Variants in LURAP1L observed in about 807,000 individuals in gnomAD.
LURAP1L encodes leucine rich adaptor protein 1 like, also known as leucine rich adaptor protein 1-like.
A neutral mutation model predicts 13.8 loss-of-function variants in LURAP1L; 12 were observed. The observed-to-expected ratio is 0.87, with a 90% CI of 0.56 to 1.41. The LOEUF is 1.41. LURAP1L is among the 40% of genes most tolerant of loss of function. The pLI, the probability that LURAP1L is intolerant of heterozygous loss-of-function variation, is 0.00. For missense variants in LURAP1L, 375 were observed against 292.9 expected (o/e 1.28, Z -2.04); for synonymous variants, 139 against 119.2 (o/e 1.17, Z -1.08).
In LURAP1L at chr9:12,802,571, G is replaced by A. The variant is rs573348795; in HGVS notation, c.313-18815G>A. 8.5e-5 allele frequency among the ~76,000 whole-genome samples: 13 copies of A among 152,208 alleles called. No individual in the cohort carries two copies. In the South Asian group the frequency reaches 1.7e-3, roughly 19 times the overall value. On this transcript the variant is annotated intron_variant, in intron 1 of 1. Transcript: ENST00000319264. Reference sequence around the variant, plus strand: ...AGCTTCAGCTTCCTGTGCAGCCTTCGGAACCATGATCCAATTAAACCACTT... The same window carrying A: ...AGCTTCAGCTTCCTGTGCAGCCTTCAGAACCATGATCCAATTAAACCACTT...
At chr9:12,798,546 G>A (rs80291649) in intron 1 of LURAP1L, among the ~76,000 whole-genome samples, 3 of 152,280 alleles carry the variant, frequency 2.0e-5, no homozygotes, top group African/African-American at 7.2e-5. Flanking sequence ...ATTCCCAGTA[G>A]CTTTCCTTAA....
intron 1 of LURAP1L, among the ~76,000 whole-genome samples, chr9:12,819,787 CACTAAAAAT>C (rs945548927): frequency 1.3e-5 from 2 of 151,790 alleles, no homozygotes; most frequent in African/African-American, 2.4e-5. Flanking sequence ...ACCCTGTCTC[CACTAAAAAT>C]ACTAAAAATT....
At chr9:12,788,183 GAAAGAAAGA>G (rs1045822681) in intron 1 of LURAP1L, among the ~76,000 whole-genome samples, 1 of 146,946 alleles carries the variant, frequency 6.8e-6, no homozygotes, top group Non-Finnish European at 1.5e-5. Flanking sequence ...AAGAAAGAAA[GAAAGAAAGA>G]AAAGAAAAGA....
chr9:12,805,366 T>C lies in LURAP1L; in HGVS notation c.313-16020T>C, dbSNP rs1402045226. Among the ~76,000 whole-genome samples, 3 of 152,186 alleles carry C rather than the reference T, an allele frequency of 2.0e-5. No individual in the cohort carries two copies. The East Asian group carries it at 5.8e-4, about 29-fold the overall frequency. Reference sequence around the variant, plus strand: ...GTATATCCTAGAAGAAAAGACTTCATATTCTTATTATGATAAATAGTTATA... The same window carrying C: ...GTATATCCTAGAAGAAAAGACTTCACATTCTTATTATGATAAATAGTTATA... On this transcript the variant is annotated intron_variant, in intron 1 of 1. Transcript: ENST00000319264.
At chr9:12,791,767 T>C (rs1449762814) in intron 1 of LURAP1L, among the ~76,000 whole-genome samples, 1 of 151,874 alleles carries the variant, frequency 6.6e-6, no homozygotes, top group Non-Finnish European at 1.5e-5. Flanking sequence ...ATGATATCAC[T>C]GTTCCTCAAA....
At chr9:12,817,896 C>G (rs527517042) in intron 1 of LURAP1L, among the ~76,000 whole-genome samples, 1 of 152,114 alleles carries the variant, frequency 6.6e-6, no homozygotes, top group Non-Finnish European at 1.5e-5. Context: ...GCAGCTGGGC[C>G]AGCCCAGGAC....
intron 1 of LURAP1L, among the ~76,000 whole-genome samples, chr9:12,780,640 CTACGAAA>C (rs1310140785): frequency 6.6e-6 from 1 of 152,098 alleles, no homozygotes; most frequent in Non-Finnish European, 1.5e-5. Flanking sequence ...ACTATATGCA[CTACGAAA>C]TGTGCCCATT....
At chr9:12,803,860 A>T (rs1273566835) in intron 1 of LURAP1L, among the ~76,000 whole-genome samples, 1 of 152,244 alleles carries the variant, frequency 6.6e-6, no homozygotes, top group Non-Finnish European at 1.5e-5. Flanking sequence ...TGCCAGAGAT[A>T]TCATTAAGGT....
chr9:12,795,958 A>G (rs551957195), intron 1 of LURAP1L, among the ~76,000 whole-genome samples: 6 of 152,212 alleles, frequency 3.9e-5, no homozygotes, highest in East Asian at 3.9e-4. Flanking sequence ...AGAAGATTCT[A>G]CTAGTATAAG....
chr9:12,775,531 G>T lies in LURAP1L; in HGVS notation c.-185G>T. On this transcript the variant is annotated 5_prime_UTR_variant, in exon 1 of 2. Coordinates refer to ENST00000319264, the MANE Select transcript of LURAP1L (RefSeq NM_203403.2). ...CTGGGAACTGCAGCTGCGACCCCCC[G>T]CGTCCTGTGCGGATTTCAGGGCTGA... is the stretch of plus-strand genomic sequence containing the variant. 1.1e-6 allele frequency: 1 copy of T among 884,338 alleles called. No homozygotes were observed. The allele number at this position is 884,338 out of a possible 1,614,324, so 54.8% of individuals were successfully genotyped here.
intron 1 of LURAP1L, among the ~76,000 whole-genome samples, chr9:12,795,208 C>G (rs1819496891): frequency 6.6e-6 from 1 of 151,756 alleles, no homozygotes; most frequent in Non-Finnish European, 1.5e-5. Flanking sequence ...TCTTCCTGTC[C>G]CACCCCTATT....
At chr9:12,789,000 A>C (rs1563889470) in intron 1 of LURAP1L, among the ~76,000 whole-genome samples, 1 of 151,514 alleles carries the variant, frequency 6.6e-6, no homozygotes, top group Non-Finnish European at 1.5e-5. Context: ...CCAGTAGTCC[A>C]AGATCACAGT....
intron 1 of LURAP1L, among the ~76,000 whole-genome samples, chr9:12,816,946 T>C (rs1371313430): frequency 6.6e-6 from 1 of 152,210 alleles, no homozygotes; most frequent in East Asian, 1.9e-4. Context: ...CCTGGTTGTT[T>C]GTTCCCTTTG....
intron 1 of LURAP1L, among the ~76,000 whole-genome samples, chr9:12,783,763 T>C (rs573046374): frequency 2.0e-5 from 3 of 152,056 alleles, no homozygotes; most frequent in Admixed American, 2.0e-4. Flanking sequence ...TGGAATAGTT[T>C]GGGTAGGATT....
At chr9:12,782,389 A>T (rs1173852538) in intron 1 of LURAP1L, among the ~76,000 whole-genome samples, 1 of 152,010 alleles carries the variant, frequency 6.6e-6, no homozygotes, top group Non-Finnish European at 1.5e-5. Context: ...TATGTTTTAG[A>T]TGTAAGTCTT....
At chr9:12,791,770 T>C (rs973914003) in intron 1 of LURAP1L, among the ~76,000 whole-genome samples, 1 of 151,888 alleles carries the variant, frequency 6.6e-6, no homozygotes, top group South Asian at 2.1e-4. Context: ...ATATCACTGT[T>C]CCTCAAAATA....
At chr9:12,793,260 T>A (rs1819468416) in intron 1 of LURAP1L, among the ~76,000 whole-genome samples, 1 of 152,068 alleles carries the variant, frequency 6.6e-6, no homozygotes, top group Non-Finnish European at 1.5e-5. Flanking sequence ...CAGGGCAATC[T>A]TATACCACAG....
rs533900016 is a variant in LURAP1L, at chr9:12,787,757, C to T, written c.312+11730C>T. Among the ~76,000 whole-genome samples, 14 of 152,150 alleles carry T rather than the reference C, an allele frequency of 9.2e-5. 1 individual carries two copies. In the South Asian group the frequency reaches 1.7e-3, roughly 18 times the overall value. ...CACCATGGGACAAAAAATACTTCACCGCGTGTGCCTGAAAGTCATACGTTC... is the reference window on the plus strand; with the variant it reads ...CACCATGGGACAAAAAATACTTCACTGCGTGTGCCTGAAAGTCATACGTTC... On this transcript the variant is annotated intron_variant, in intron 1 of 1. Coordinates refer to ENST00000319264, the MANE Select transcript of LURAP1L (RefSeq NM_203403.2).
chr9:12,804,346 A>AT (rs5896539), intron 1 of LURAP1L, among the ~76,000 whole-genome samples: 94,887 of 141,362 alleles, frequency 0.67, 32,481 homozygotes, highest in Non-Finnish European at 0.75. Context: ...TTGTTATCTG[A>AT]TTTTTTTTTT....
Sources: allele counts gnomAD v4.1 joint callset (sites outside exome capture counted in the v4.1 genomes callset), GRCh38; gene constraint gnomAD v4.1.1; transcripts MANE v1.5; gene names NCBI Gene and HGNC (gene_info 2026-07-23, HGNC 2026-07-21).